The following DPYD variants were observed in gnomAD, a reference collection of about 807,000 sequenced individuals.
The protein encoded by DPYD is dihydropyrimidine dehydrogenase.
Under a neutral mutation model 116.2 loss-of-function variants are expected in DPYD, and 109 were observed. That is an observed-to-expected ratio of 0.94 (90% CI 0.80 to 1.10). DPYD has a LOEUF of 1.10. DPYD is among the 50% of genes least tolerant of loss of function. DPYD has a pLI of 0.00. For missense variants in DPYD, 1,302 were observed against 1,254.5 expected (o/e 1.04, Z -0.57); for synonymous variants, 440 against 432.0 (o/e 1.02, Z -0.23).
At chr1:97,794,764 G>A (rs1044573384) in intron 3 of DPYD, among the ~76,000 whole-genome samples, 1 of 152,020 alleles carries the variant, frequency 6.6e-6, no homozygotes, top group Non-Finnish European at 1.5e-5. Context: ...TTAAAAAGTG[G>A]GAAGCCATGC....
chr1:97,111,998 G>A (rs571926270), intron 20 of DPYD, among the ~76,000 whole-genome samples: 77 of 152,194 alleles, frequency 5.1e-4, no homozygotes, highest in African/African-American at 1.9e-3. Flanking sequence ...TGAAGCCAGA[G>A]CTTCATACAC....
chr1:97,507,528 T>C (rs1036111633), intron 13 of DPYD, among the ~76,000 whole-genome samples: 1 of 151,972 alleles, frequency 6.6e-6, no homozygotes, highest in East Asian at 1.9e-4. Context: ...TTAATCTTTT[T>C]AAAAAATCCA....
At chr1:97,893,429 C>CATAT (rs59336649) in intron 1 of DPYD, among the ~76,000 whole-genome samples, 16,954 of 71,602 alleles carry the variant, frequency 0.24, 2,357 homozygotes, top group Admixed American at 0.38. Flanking sequence ...ATATCCATCG[C>CATAT]ATATATATAT....
intron 3 of DPYD, among the ~76,000 whole-genome samples, chr1:97,814,390 G>T (rs1278574115): frequency 6.6e-6 from 1 of 152,106 alleles, no homozygotes; most frequent in Non-Finnish European, 1.5e-5. Flanking sequence ...TCACAATTTG[G>T]TTCATCCTGG....
At position 97,546,309 on chromosome 1, in the gene DPYD, G is replaced by C. The variant is rs1021239804; in HGVS notation, c.1524+3251C>G. ...AACCTGCACCTGTGCTATTACCACA[G>C]TCAAAGCAACAGAAACAAAAGCTGG... On this transcript the variant is annotated intron_variant, in intron 12 of 22. Coordinates refer to ENST00000370192, the MANE Select transcript of DPYD (RefSeq NM_000110.4). The C allele has an allele frequency of 4.2e-6, 6 of 1,433,600 alleles. No individual in the cohort carries two copies. The African/African-American group carries it at 5.6e-5, about 13-fold the overall frequency. The allele number at this position is 1,433,600 out of a possible 1,614,324, so 88.8% of individuals were successfully genotyped here.
intron 13 of DPYD, among the ~76,000 whole-genome samples, chr1:97,494,012 A>G (rs980010486): frequency 6.6e-6 from 1 of 152,178 alleles, no homozygotes; most frequent in Non-Finnish European, 1.5e-5. Context: ...AGCTCAGTTT[A>G]TCCATGCAGT....
At chr1:97,775,800 T>C (rs753667427) in intron 3 of DPYD, among the ~76,000 whole-genome samples, 52 of 152,298 alleles carry the variant, frequency 3.4e-4, no homozygotes, top group Non-Finnish European at 6.5e-4. Context: ...AGAATGCAAA[T>C]AGTTTTTTAG....
intron 3 of DPYD, among the ~76,000 whole-genome samples, chr1:97,793,764 T>C (rs1667431678): frequency 6.6e-6 from 1 of 152,160 alleles, no homozygotes; most frequent in African/African-American, 2.4e-5. Context: ...ACACAACTTC[T>C]AGAGGAAAAC....
chr1:97,088,554 C>G (rs556926419), intron 21 of DPYD, among the ~76,000 whole-genome samples: 1 of 152,296 alleles, frequency 6.6e-6, no homozygotes, highest in South Asian at 2.1e-4. Context: ...CATCTGGTTA[C>G]AAGGTCTCTG....
chr1:97,203,714 C>T (rs1322947852), intron 19 of DPYD, among the ~76,000 whole-genome samples: 1 of 85,810 alleles, frequency 1.2e-5, no homozygotes, highest in Non-Finnish European at 2.1e-5. Context: ...GGAAAATTAA[C>T]GCATGGAATT....
At chr1:97,130,704 C>A (rs1489668957) in intron 20 of DPYD, among the ~76,000 whole-genome samples, 23 of 136,384 alleles carry the variant, frequency 1.7e-4, no homozygotes, top group African/African-American at 6.4e-4. Flanking sequence ...CCCTCCTTCC[C>A]TCTCTCCCTC....
At position 97,759,090 on chromosome 1, in the gene DPYD, C is replaced by A. The variant is rs1665428063; in HGVS notation, c.234-18611G>T. ...TTTGCTGGTGTTCATGCCCATTCCA[C>A]CAACAACTTACCTGCAGTGTACTTC... is the stretch of plus-strand genomic sequence containing the variant. On this transcript the variant is annotated intron_variant, in intron 3 of 22. Transcript: ENST00000370192. Among the ~76,000 whole-genome samples, 3 of 152,242 alleles carry A rather than the reference C, an allele frequency of 2.0e-5. No homozygotes were observed. The South Asian group carries it at 6.2e-4, about 32-fold the overall frequency.
At chr1:97,544,079 A>C (rs1221573140) in intron 12 of DPYD, among the ~76,000 whole-genome samples, 2 of 152,196 alleles carry the variant, frequency 1.3e-5, no homozygotes, top group African/African-American at 4.8e-5. Flanking sequence ...AAAGTCATTG[A>C]AGGGTTTTAA....
chr1:97,629,011 G>A (rs1657100430), intron 8 of DPYD, among the ~76,000 whole-genome samples: 1 of 152,018 alleles, frequency 6.6e-6, no homozygotes, highest in Non-Finnish European at 1.5e-5. Flanking sequence ...TTTAACATGT[G>A]CAGCAGGACT....
rs1490962080 is a variant in DPYD at position 97,187,571 on chromosome 1, A to AT, written c.2622+5497dup. Among the ~76,000 whole-genome samples, 5 of 151,834 alleles carry AT rather than the reference A, an allele frequency of 3.3e-5. No homozygotes were observed. The East Asian group carries it at 9.6e-4, about 29-fold the overall frequency. On this transcript the variant is annotated intron_variant, in intron 20 of 22. Transcript: ENST00000370192. Reference sequence around the variant, plus strand: ...TTCATTTGCTGTGCAGAAGCTTTTTATTTTAAGTCCCATTTGTCTATTTTT... The same window carrying AT: ...TTCATTTGCTGTGCAGAAGCTTTTTATTTTTAAGTCCCATTTGTCTATTTTT...
chr1:97,617,133 A>G (rs1656334480), intron 8 of DPYD, among the ~76,000 whole-genome samples: 1 of 152,178 alleles, frequency 6.6e-6, no homozygotes, highest in Non-Finnish European at 1.5e-5. Context: ...TGATCCAAGG[A>G]TCTAATTCCC....
intron 18 of DPYD, among the ~76,000 whole-genome samples, chr1:97,301,002 A>G (rs1023957416): frequency 1.3e-5 from 2 of 152,086 alleles, no homozygotes; most frequent in Non-Finnish European, 2.9e-5. Flanking sequence ...TGTTGGATTT[A>G]CAATGAAAAC....
chr1:97,412,593 T>C (rs1304580586), intron 14 of DPYD, among the ~76,000 whole-genome samples: 1 of 152,218 alleles, frequency 6.6e-6, no homozygotes, highest in Non-Finnish European at 1.5e-5. Context: ...TGTATAAGCA[T>C]ACCTTTGTCT....
At chr1:97,173,555 TA>T (rs767373000) in intron 20 of DPYD, among the ~76,000 whole-genome samples, 15 of 151,188 alleles carry the variant, frequency 9.9e-5, no homozygotes, top group East Asian at 5.9e-4. Context: ...AGTTTATTAC[TA>T]TTTTTTTTTT....
Sources: gnomAD v4.1 joint callset for allele counts (sites outside exome capture counted in the v4.1 genomes callset) on GRCh38, gnomAD v4.1.1 for gene constraint, MANE v1.5 for transcripts, NCBI Gene and HGNC (gene_info 2026-07-23, HGNC 2026-07-21) for gene names.